STAG1: variants seen among roughly 807,000 people sequenced by gnomAD.
STAG1 encodes the protein cohesin subunit SA-1.
In STAG1, 26 loss-of-function variants were observed where a neutral mutation model predicts 170.9. The ratio of observed to expected loss-of-function variants is 0.15; its 90% CI spans 0.11 to 0.21. The LOEUF is 0.21. Ranked by LOEUF, STAG1 falls within the 10% of genes least tolerant of loss-of-function variation. STAG1 has a pLI of 1.00. For missense variants in STAG1, 964 were observed against 1,509.5 expected, an observed-to-expected ratio of 0.64 and a Z score of 5.99; for synonymous variants, 514 against 497.7, an observed-to-expected ratio of 1.03 and a Z score of -0.44.
At chr3:136,533,174 A>G (rs1006340587) in intron 6 of STAG1, among the ~76,000 whole-genome samples, 1 of 152,196 alleles carries the variant, frequency 6.6e-6, no homozygotes, top group Admixed American at 6.5e-5. Context: ...TAGAAAAAAT[A>G]AAAGATCTAG....
In STAG1 at chr3:136,518,781, G is replaced by A. The variant is rs191199358; in HGVS notation, c.676+2432C>T. Among the ~76,000 whole-genome samples the A allele has an allele frequency of 1.6e-4, 24 of 151,958 alleles. No individual in the cohort carries two copies. In the East Asian group the frequency reaches 4.3e-3, roughly 27 times the overall value. On this transcript the variant is annotated intron_variant, in intron 7 of 33. Coordinates refer to ENST00000383202, the MANE Select transcript of STAG1 (RefSeq NM_005862.3). The stretch of plus-strand genomic sequence containing the variant: ...ATATCTGATTTTGAAAAATAATTTC[G>A]AATTTAAATAGGCTACATGATGATA...
At chr3:136,574,451 T>C (rs927750653) in intron 4 of STAG1, among the ~76,000 whole-genome samples, 1 of 152,060 alleles carries the variant, frequency 6.6e-6, no homozygotes, top group Admixed American at 6.6e-5. Context: ...TGTATGTGTG[T>C]ATATACACAT....
intron 30 of STAG1, among the ~76,000 whole-genome samples, chr3:136,342,775 A>G (rs1936035425): frequency 6.6e-6 from 1 of 152,236 alleles, no homozygotes; most frequent in African/African-American, 2.4e-5. Flanking sequence ...TGGAGCAGGG[A>G]AAAGAAGGCA....
chr3:136,553,775 A>T (rs1936503812), intron 5 of STAG1, among the ~76,000 whole-genome samples: 2 of 152,258 alleles, frequency 1.3e-5, no homozygotes, highest in Admixed American at 6.5e-5. Context: ...TCCATCTCAA[A>T]ACAAAAAGTT....
intron 4 of STAG1, among the ~76,000 whole-genome samples, chr3:136,594,959 G>A (rs574072233): frequency 6.6e-6 from 1 of 152,186 alleles, no homozygotes; most frequent in South Asian, 2.1e-4. Context: ...TGGTTGAGAT[G>A]GGGTTTTGCC....
chr3:136,452,092 T>C lies in STAG1; in HGVS notation c.1369A>G (p.Arg457Gly). 1.2e-6 allele frequency: 2 copies of C among 1,613,658 alleles called. No homozygotes were observed. The highest frequency in any genetic ancestry group is 2.2e-5 in the East Asian group (1 of 44,812). Residue 457 changes from arginine to glycine, a missense_variant, in exon 14 of 34, where the codon AGA becomes GGA. This residue lies in a region of STAG1 where 162 missense variants were observed against 211.2 expected (regional missense o/e 0.77). Transcript: ENST00000383202. ...ATGAGGTTTCCATTCGGGCTGTTTC[T>C]TCCCCTCCTCTTTGCTAATGCTTCT... ...AEEALAKRRG[R>G]NSPNGNLIRM...
At chr3:136,596,348 G>C (rs901987501) in intron 4 of STAG1, among the ~76,000 whole-genome samples, 5 of 152,158 alleles carry the variant, frequency 3.3e-5, no homozygotes, top group African/African-American at 1.2e-4. Context: ...AAAAGATTAT[G>C]ACTCACTGAA....
At chr3:136,690,056 CAA>C (rs57082567) in intron 1 of STAG1, among the ~76,000 whole-genome samples, 46 of 56,370 alleles carry the variant, frequency 8.2e-4, no homozygotes, top group African/African-American at 3.3e-3. Context: ...AAAAGCAAAC[CAA>C]AAAAAAAAAA....
intron 13 of STAG1, among the ~76,000 whole-genome samples, chr3:136,457,568 T>C (rs963555517): frequency 3.3e-5 from 5 of 152,132 alleles, no homozygotes; most frequent in African/African-American, 7.2e-5. Context: ...ACCCACTTTA[T>C]GCACTCATTC....
intron 21 of STAG1, among the ~76,000 whole-genome samples, chr3:136,407,959 A>G (rs1021486211): frequency 2.6e-5 from 4 of 152,024 alleles, no homozygotes; most frequent in African/African-American, 9.7e-5. Context: ...CTGGTGTACA[A>G]TTCAAGTTAA....
chr3:136,504,978 A>G (rs1288615537), intron 7 of STAG1, among the ~76,000 whole-genome samples: 3 of 152,220 alleles, frequency 2.0e-5, no homozygotes, highest in Non-Finnish European at 4.4e-5. Context: ...GGTATAATAC[A>G]GCAGTGTTTA....
intron 16 of STAG1, among the ~76,000 whole-genome samples, chr3:136,430,800 T>TAGACAGAC (rs1296547972): frequency 1.0e-5 from 1 of 97,466 alleles, no homozygotes; most frequent in African/African-American, 4.2e-5. Context: ...GAAACAGACA[T>TAGACAGAC]AGACAGACAC....
intron 1 of STAG1, among the ~76,000 whole-genome samples, chr3:136,656,578 A>G (rs1941377240): frequency 6.7e-6 from 1 of 149,254 alleles, no homozygotes; most frequent in Non-Finnish European, 1.5e-5. Flanking sequence ...CAATATATAT[A>G]AGAACACATA....
chr3:136,486,065 A>G (rs1198980704), intron 9 of STAG1, among the ~76,000 whole-genome samples: 1 of 152,206 alleles, frequency 6.6e-6, no homozygotes, highest in African/African-American at 2.4e-5. Flanking sequence ...ACATTATAAA[A>G]TTGATTCAGT....
At chr3:136,410,831 G>C (rs1221757179) in intron 21 of STAG1, among the ~76,000 whole-genome samples, 1 of 152,122 alleles carries the variant, frequency 6.6e-6, no homozygotes, top group Admixed American at 6.5e-5. Context: ...AAAATTAGCT[G>C]GGGACGGTGG....
At chr3:136,479,056 CTTTCTTT>C (rs1350022250) in intron 9 of STAG1, among the ~76,000 whole-genome samples, 7 of 116,990 alleles carry the variant, frequency 6.0e-5, no homozygotes, top group African/African-American at 1.7e-4. Flanking sequence ...CTATTATAAT[CTTTCTTT>C]TTTTTTTTTT....
intron 13 of STAG1, among the ~76,000 whole-genome samples, chr3:136,460,550 C>T (rs1425854350): frequency 6.6e-6 from 1 of 151,928 alleles, no homozygotes; most frequent in Non-Finnish European, 1.5e-5. Context: ...TGCAGTAAGC[C>T]GAGACTGTGC....
Position 136,428,082 on chromosome 3 carries a change from A to G in STAG1, c.1651-5038T>C, listed in dbSNP as rs61491113. ...TGCAGATCACAGTGCCCTATTCTGGAAAAAAAAAAAAAATGCCACAAAGGA... is the reference window on the plus strand; with the variant it reads ...TGCAGATCACAGTGCCCTATTCTGGGAAAAAAAAAAAAATGCCACAAAGGA... On this transcript the variant is annotated intron_variant, in intron 16 of 33. Transcript: ENST00000383202. 3.4e-3 allele frequency among the ~76,000 whole-genome samples: 457 copies of G among 133,618 alleles called. 3 individuals are homozygous for G. Among genetic ancestry groups the G allele is most frequent in the African/African-American group, 0.013 (440 of 34,698 alleles). The allele number at this position is 133,618 out of a possible 152,430, so 87.7% of individuals were successfully genotyped here.
chr3:136,455,326 A>G (rs565326183), intron 13 of STAG1, among the ~76,000 whole-genome samples: 2 of 152,230 alleles, frequency 1.3e-5, no homozygotes, highest in Admixed American at 6.5e-5. Flanking sequence ...CAGAATCAAG[A>G]AACTATGATT....
Sources: gnomAD v4.1 joint callset for allele counts (sites outside exome capture counted in the v4.1 genomes callset) on GRCh38, gnomAD v4.1.1 for gene constraint, gnomAD v4.1.1 regional missense constraint, MANE v1.5 for transcripts, NCBI Gene and HGNC (gene_info 2026-07-23, HGNC 2026-07-21) for gene names.